The following GRIK2 variants were observed in gnomAD, a reference collection of about 807,000 sequenced individuals.
GRIK2 encodes the protein glutamate ionotropic receptor kainate type subunit 2.
In GRIK2, 32 loss-of-function variants were observed where a neutral mutation model predicts 100.3. The observed-to-expected ratio is 0.32, with a 90% CI of 0.24 to 0.43. The LOEUF (loss-of-function observed/expected upper bound fraction) is 0.43. Ranked by LOEUF, GRIK2 falls within the 20% of genes least tolerant of loss-of-function variation. GRIK2 has a pLI of 1.00. For missense variants in GRIK2, 843 were observed against 1,114.9 expected (o/e 0.76, Z 3.47); for synonymous variants, 417 against 389.4 (o/e 1.07, Z -0.83).
chr6:101,515,690 G>A (rs1774552143), intron 2 of GRIK2, among the ~76,000 whole-genome samples: 2 of 152,038 alleles, frequency 1.3e-5, no homozygotes, highest in Admixed American at 6.6e-5. Flanking sequence ...TTTTTCATAT[G>A]TTTGTTGGCC....
In GRIK2 at chr6:101,870,496, G is replaced by T. The variant is rs568818215; in HGVS notation, c.1524+11003G>T. On this transcript the variant is annotated intron_variant, in intron 11 of 16. Coordinates refer to ENST00000369134, the MANE Select transcript of GRIK2 (RefSeq NM_021956.5). ...CTGTGTAGGTGTCAATGTCTTGTTT[G>T]AGGCAGGAATGATTTGATTTTCTTG... 4.0e-5 allele frequency among the ~76,000 whole-genome samples: 6 copies of T among 151,884 alleles called. No homozygotes were observed. In the East Asian group the frequency reaches 1.2e-3, roughly 29 times the overall value.
chr6:101,689,920 T>C (rs900191205), intron 7 of GRIK2, among the ~76,000 whole-genome samples: 1 of 152,142 alleles, frequency 6.6e-6, no homozygotes, highest in African/African-American at 2.4e-5. Flanking sequence ...TACTGTTCTT[T>C]ATTGCAAAAT....
chr6:102,064,105 G>A (rs1771884755), intron 16 of GRIK2: 1 of 776,702 alleles, frequency 1.3e-6, no homozygotes, highest in Non-Finnish European at 2.2e-6. Context: ...TTAATGTGGA[G>A]AAACATTTTT....
At chr6:101,835,238 C>T (rs1370298707) in intron 10 of GRIK2, among the ~76,000 whole-genome samples, 1 of 151,970 alleles carries the variant, frequency 6.6e-6, no homozygotes, top group Admixed American at 6.6e-5. Context: ...TTTATTCTGG[C>T]TAGCCAGTTT....
intron 14 of GRIK2, among the ~76,000 whole-genome samples, chr6:102,021,475 A>T (rs187061708): frequency 1.3e-5 from 2 of 151,624 alleles, no homozygotes; most frequent in East Asian, 1.9e-4. Context: ...TTTATTTCAG[A>T]TAATTTTTAT....
chr6:101,721,339 G>C (rs1774468178), intron 7 of GRIK2, among the ~76,000 whole-genome samples: 1 of 151,992 alleles, frequency 6.6e-6, no homozygotes, highest in African/African-American at 2.4e-5. Flanking sequence ...CAGATCACTT[G>C]AACCCAGGAG....
In GRIK2 at chr6:101,573,822, T is replaced by TACAACAAAAGTG. The variant is rs1432155635; in HGVS notation, c.116-48114_116-48103dup. Among the ~76,000 whole-genome samples, 4 of 152,250 alleles carry TACAACAAAAGTG rather than the reference T, an allele frequency of 2.6e-5. No homozygotes were observed. In the East Asian group the frequency reaches 7.7e-4, roughly 29 times the overall value. ...ATAAATTGAGAATTCCCTAATTCTCTACAACAAAAGTGACAACAAAAGTGG... is the reference window on the plus strand; with the variant it reads ...ATAAATTGAGAATTCCCTAATTCTCTACAACAAAAGTGACAACAAAAGTGACAACAAAAGTGG... On this transcript the variant is annotated intron_variant, in intron 2 of 16. Coordinates refer to ENST00000369134, the MANE Select transcript of GRIK2 (RefSeq NM_021956.5).
intron 12 of GRIK2, among the ~76,000 whole-genome samples, chr6:101,922,139 C>CATT (rs1789589742): frequency 1.5e-5 from 2 of 132,910 alleles, no homozygotes; most frequent in Non-Finnish European, 1.6e-5. Flanking sequence ...TTCCTTCCTT[C>CATT]CCTCCCTTCC....
chr6:101,604,130 T>A (rs545188349), intron 2 of GRIK2, among the ~76,000 whole-genome samples: 1 of 151,812 alleles, frequency 6.6e-6, no homozygotes, highest in South Asian at 2.1e-4. Context: ...GATTTATCTT[T>A]GTTAGGAGTA....
At chr6:101,883,898 C>T (rs1374808306) in intron 11 of GRIK2, among the ~76,000 whole-genome samples, 1 of 152,100 alleles carries the variant, frequency 6.6e-6, no homozygotes, top group East Asian at 1.9e-4. Flanking sequence ...TGTAGGCAAA[C>T]ATGTTCTATA....
intron 14 of GRIK2, among the ~76,000 whole-genome samples, chr6:102,013,902 T>C (rs1476408775): frequency 6.6e-6 from 1 of 152,006 alleles, no homozygotes; most frequent in Non-Finnish European, 1.5e-5. Flanking sequence ...TTTTTTGTTG[T>C]ACCTCTGCCA....
intron 14 of GRIK2, among the ~76,000 whole-genome samples, chr6:101,970,180 A>T (rs778070926): frequency 6.6e-6 from 1 of 151,294 alleles, no homozygotes; most frequent in Non-Finnish European, 1.5e-5. Flanking sequence ...AATCAATCAA[A>T]TCTAATGCCA....
intron 2 of GRIK2, 147 bp downstream of exon 2, chr6:101,399,539 T>C: frequency 1.6e-6 from 1 of 618,000 alleles, no homozygotes; most frequent in Non-Finnish European, 2.9e-6. Context: ...AAAGAACTCC[T>C]TGTGCTTTCA....
At chr6:101,813,456 G>C (rs1228711203) in intron 9 of GRIK2, among the ~76,000 whole-genome samples, 1 of 152,080 alleles carries the variant, frequency 6.6e-6, no homozygotes, top group African/African-American at 2.4e-5. Flanking sequence ...AAATTATCTT[G>C]TGTAAGTACA....
At position 101,719,138 on chromosome 6, in the gene GRIK2, G is replaced by GTTTTTTTT. The variant is rs60301711; in HGVS notation, c.951+32816_951+32823dup. Among the ~76,000 whole-genome samples, 48 of 101,122 alleles carry GTTTTTTTT rather than the reference G, an allele frequency of 4.7e-4. 5 individuals are homozygous for GTTTTTTTT. Among genetic ancestry groups the GTTTTTTTT allele is most frequent in the African/African-American group, 2.1e-3 (43 of 20,100 alleles). 66.3% of individuals were successfully genotyped at this position (101,122 alleles called of 152,430 possible). On this transcript the variant is annotated intron_variant, in intron 7 of 16. Coordinates refer to ENST00000369134, the MANE Select transcript of GRIK2 (RefSeq NM_021956.5). ...CTGAAATGTGCAACAGGCTGCAAGG[G>GTTTTTTTT]TTTTTTTTTTTTTTTTTTTTTTTTT...
At chr6:101,965,944 A>G (rs9404165) in intron 14 of GRIK2, among the ~76,000 whole-genome samples, 55,668 of 152,008 alleles carry the variant, frequency 0.37, 10,986 homozygotes, top group South Asian at 0.48. Flanking sequence ...TTTTATAATA[A>G]TTATGATGTT....
chr6:101,782,582 C>T (rs1256445951), intron 7 of GRIK2, among the ~76,000 whole-genome samples: 1 of 152,064 alleles, frequency 6.6e-6, no homozygotes, highest in Non-Finnish European at 1.5e-5. Context: ...TGTATATATC[C>T]TACATTTTCT....
intron 2 of GRIK2, among the ~76,000 whole-genome samples, chr6:101,503,894 A>G (rs2128275109): frequency 6.6e-6 from 1 of 152,270 alleles, no homozygotes; most frequent in South Asian, 2.1e-4. Context: ...TTGTGGGAAG[A>G]CAAGGTAGGC....
At chr6:102,058,636 A>G (rs988585136) in intron 16 of GRIK2, among the ~76,000 whole-genome samples, 1 of 151,586 alleles carries the variant, frequency 6.6e-6, no homozygotes, top group African/African-American at 2.4e-5. Context: ...AAAATTAGCC[A>G]TACGATAGTC....
Sources: gnomAD v4.1 joint callset for allele counts (sites outside exome capture counted in the v4.1 genomes callset) on GRCh38, gnomAD v4.1.1 for gene constraint, MANE v1.5 for transcripts, NCBI Gene and HGNC (gene_info 2026-07-23, HGNC 2026-07-21) for gene names.